The following ARHGEF33 variants were observed in gnomAD, a reference collection of about 807,000 sequenced individuals.
The protein encoded by ARHGEF33 is DH and coiled-coil domain-containing protein ENSP00000381780.
In ARHGEF33, 72 loss-of-function variants were observed where a neutral mutation model predicts 101.9. The observed-to-expected ratio is 0.71, with a 90% CI of 0.58 to 0.86. The LOEUF (loss-of-function observed/expected upper bound fraction) is 0.86, where lower values mean the gene tolerates loss of function less well. Among genes scored for constraint, ARHGEF33 ranks in the 40% least tolerant of loss-of-function variants. The pLI is 0.00. For missense variants in ARHGEF33, 1,169 were observed against 1,111.3 expected, an observed-to-expected ratio of 1.05 and a Z score of -0.74; for synonymous variants, 499 against 442.5, an observed-to-expected ratio of 1.13 and a Z score of -1.60.
intron 15 of ARHGEF33, 24 bp downstream of exon 15, chr2:38,958,222 G>A (rs1667823585): frequency 2.6e-6 from 4 of 1,550,614 alleles, no homozygotes; most frequent in Non-Finnish European, 3.5e-6. Flanking sequence ...GCTGTGGGAA[G>A]GTTAATGCCA....
intron 9 of ARHGEF33, 36 bp from the exon 10 acceptor site, chr2:38,943,865 G>C (rs1667373779): frequency 1.9e-6 from 3 of 1,542,178 alleles, no homozygotes; most frequent in Non-Finnish European, 2.6e-6. Context: ...AGGAAGAAAT[G>C]GTTAATATCA....
At chr2:38,894,332 T>A (rs1440747032) in intron 1 of ARHGEF33, among the ~76,000 whole-genome samples, 4 of 146,166 alleles carry the variant, frequency 2.7e-5, no homozygotes, top group South Asian at 2.2e-4. Flanking sequence ...AACCTGCCTT[T>A]AAAAAAAAAA....
At chr2:38,972,335 C>A (rs1668183787) in intron 17 of ARHGEF33, among the ~76,000 whole-genome samples, 1 of 152,120 alleles carries the variant, frequency 6.6e-6, no homozygotes, top group Non-Finnish European at 1.5e-5. Flanking sequence ...GAGGCTCTTT[C>A]AAGGGAGAAC....
chr2:38,929,602 A>C (rs764806336), intron 5 of ARHGEF33, 107 bp from the exon 6 acceptor site: 25 of 864,538 alleles, frequency 2.9e-5, no homozygotes, highest in African/African-American at 5.2e-5. Flanking sequence ...TCATTCATTC[A>C]TTCATTCATT....
chr2:38,931,191 GAGCC>G lies in ARHGEF33; in HGVS notation c.446_449del (p.Glu149ValfsTer28). 1 of 1,551,568 alleles carries G rather than the reference GAGCC, an allele frequency of 6.4e-7. No individual in the cohort carries two copies. On this transcript the variant is annotated frameshift_variant, in exon 7 of 18. Coordinates refer to ENST00000409978, the MANE Select transcript of ARHGEF33 (RefSeq NM_001145451.5). LOFTEE classifies it high-confidence loss of function. ...TCCTTTTCGTTCTATCAATATCCCT[GAGCC>G]TGTTCTTCCAAGCGAAGACTTTACC... is the stretch of plus-strand genomic sequence containing the variant.
chr2:38,963,373 A>T lies in ARHGEF33; in HGVS notation c.2344-2633A>T, dbSNP rs943794260. Reference sequence around the variant, plus strand: ...TAGTCTTTAGTGTTTTGTCTCTTTTAGAGTCAAGAAAGAAGATGGTATGCT... The same window carrying T: ...TAGTCTTTAGTGTTTTGTCTCTTTTTGAGTCAAGAAAGAAGATGGTATGCT... On this transcript the variant is annotated intron_variant, in intron 16 of 17. Transcript: ENST00000409978. Among the ~76,000 whole-genome samples, 21 of 152,152 alleles carry T rather than the reference A, an allele frequency of 1.4e-4. 1 individual carries two copies. Among genetic ancestry groups the T allele is most frequent in the African/African-American group, 2.4e-5 (1 of 41,412 alleles).
Position 38,929,842 on chromosome 2 carries a change from T to G in ARHGEF33, c.362+12T>G. ...AAAGTTAAAGCCAAGTGAGTGTCTT[T>G]TAAAAATGTACCAAAGGCAAACCCA... On this transcript the variant is annotated intron_variant, in intron 6 of 17. Coordinates refer to ENST00000409978, the MANE Select transcript of ARHGEF33 (RefSeq NM_001145451.5). 1.9e-6 allele frequency: 3 copies of G among 1,550,396 alleles called. No homozygotes were observed. The highest frequency in any genetic ancestry group is 2.6e-6 in the Non-Finnish European group (3 of 1,146,186).
chr2:38,935,506 T>TA (rs1667108660), intron 7 of ARHGEF33, among the ~76,000 whole-genome samples: 1 of 152,212 alleles, frequency 6.6e-6, no homozygotes, highest in African/African-American at 2.4e-5. Context: ...ATTTAACTCT[T>TA]ACAATATGCC....
At chr2:38,894,358 C>A (rs1167032464) in intron 1 of ARHGEF33, among the ~76,000 whole-genome samples, 1 of 151,180 alleles carries the variant, frequency 6.6e-6, no homozygotes, top group African/African-American at 2.4e-5. Context: ...TGCTTTTGGG[C>A]TCTGGATAGC....
intron 2 of ARHGEF33, among the ~76,000 whole-genome samples, chr2:38,896,550 T>C (rs574802570): frequency 6.6e-6 from 1 of 152,334 alleles, no homozygotes; most frequent in South Asian, 2.1e-4. Context: ...CATGCTGGGC[T>C]TTGTCACTTA....
chr2:38,903,240 A>T (rs1197216493), intron 2 of ARHGEF33, among the ~76,000 whole-genome samples: 3 of 149,584 alleles, frequency 2.0e-5, no homozygotes, highest in Non-Finnish European at 4.4e-5. Context: ...ATAGTACATT[A>T]AAAAAAACTA....
rs1312633498 is a variant in ARHGEF33 at position 38,960,077 on chromosome 2, T to A, written c.1772T>A (p.Val591Glu). ...TCTCCGGCGGAGCCGCTGGGCAACG[T>A]GGAGCGCTCCCTGCGCGCCCCGGCC... ...ESSPAEPLGN[V>E]ERSLRAPAEL... The change falls in exon 16 of 18, where the codon GTG becomes GAG. Residue 591 changes from valine (V) to glutamate (E), a missense_variant. Transcript: ENST00000409978. 1 of 1,542,374 alleles carries A rather than the reference T, an allele frequency of 6.5e-7. No individual in the cohort carries two copies. The highest frequency in any genetic ancestry group is 1.2e-5 in the South Asian group (1 of 83,794).
intron 2 of ARHGEF33, among the ~76,000 whole-genome samples, chr2:38,909,322 TA>T (rs903731382): frequency 6.6e-6 from 1 of 151,880 alleles, no homozygotes; most frequent in African/African-American, 2.4e-5. Flanking sequence ...TTTATTTCAT[TA>T]AAAAAAATTT....
At chr2:38,891,404 C>A (rs1665994281) in intron 1 of ARHGEF33, among the ~76,000 whole-genome samples, 1 of 152,026 alleles carries the variant, frequency 6.6e-6, no homozygotes, top group South Asian at 2.1e-4. Context: ...TCTCCCTCTT[C>A]CTTCCTTTCT....
chr2:38,963,244 A>G (rs1317177351), intron 16 of ARHGEF33, among the ~76,000 whole-genome samples: 1 of 152,184 alleles, frequency 6.6e-6, no homozygotes, highest in Non-Finnish European at 1.5e-5. Flanking sequence ...TCTATCCTTA[A>G]AGGTATCAAC....
intron 1 of ARHGEF33, among the ~76,000 whole-genome samples, chr2:38,894,237 C>G (rs930808125): frequency 6.6e-6 from 1 of 151,914 alleles, no homozygotes. Flanking sequence ...GAGGCTGAGG[C>G]AGGAGGATTG....
chr2:38,908,514 C>A (rs1026686219), intron 2 of ARHGEF33, among the ~76,000 whole-genome samples: 4 of 152,130 alleles, frequency 2.6e-5, no homozygotes, highest in African/African-American at 9.7e-5. Flanking sequence ...TTTTTCTTGA[C>A]TGATGTAGAC....
rs568579344 is a variant in ARHGEF33, at chr2:38,908,235, G to A, written c.-85-11128G>A. Among the ~76,000 whole-genome samples the A allele has an allele frequency of 3.9e-5, 6 of 152,184 alleles. No individual in the cohort carries two copies. In the South Asian group the frequency reaches 6.2e-4, roughly 16 times the overall value. ...ATCTGTTTGAAAGATTGAGATTAAA[G>A]AGAGTCAAGTCAGGATAAGAAAAGA... On this transcript the variant is annotated intron_variant, in intron 2 of 17. Coordinates refer to ENST00000409978, the MANE Select transcript of ARHGEF33 (RefSeq NM_001145451.5).
At chr2:38,901,216 T>C (rs746434741) in intron 2 of ARHGEF33, among the ~76,000 whole-genome samples, 8 of 152,224 alleles carry the variant, frequency 5.3e-5, no homozygotes, top group Non-Finnish European at 8.8e-5. Flanking sequence ...ATTCTTTCAA[T>C]CACACAAGAG....
Sources: gnomAD v4.1 joint callset for allele counts (sites outside exome capture counted in the v4.1 genomes callset) on GRCh38, gnomAD v4.1.1 for gene constraint, MANE v1.5 for transcripts, NCBI Gene and HGNC (gene_info 2026-07-23, HGNC 2026-07-21) for gene names.